The following INPP5A variants were observed in gnomAD, a reference collection of about 807,000 sequenced individuals.
INPP5A encodes the protein inositol polyphosphate-5-phosphatase A, also known as 43 kDa inositol polyphosphate 5-phophatase.
INPP5A carries 14 observed loss-of-function variants against 65.2 expected under a neutral mutation model. The ratio of observed to expected loss-of-function variants is 0.21; its 90% CI spans 0.14 to 0.34. The LOEUF is 0.34. INPP5A is among the 10% of genes least tolerant of loss of function. The pLI is 1.00. For missense variants in INPP5A, 431 were observed against 545.6 expected (o/e 0.79, Z 2.09); for synonymous variants, 207 against 208.3 (o/e 0.99, Z 0.05).
At chr10:132,770,736 G>GA (rs1846934009) in intron 12 of INPP5A, among the ~76,000 whole-genome samples, 1 of 152,172 alleles carries the variant, frequency 6.6e-6, no homozygotes, top group South Asian at 2.1e-4. Context: ...ACATTTTTGT[G>GA]AAAAAAGTAC....
chr10:132,724,814 G>C (rs1189853612), intron 8 of INPP5A, among the ~76,000 whole-genome samples: 1 of 149,182 alleles, frequency 6.7e-6, no homozygotes, highest in African/African-American at 2.5e-5. Flanking sequence ...GGGGGCCCCA[G>C]GCTAGCAGGA....
chr10:132,557,236 T>C (rs753083705), intron 1 of INPP5A, among the ~76,000 whole-genome samples: 4 of 152,260 alleles, frequency 2.6e-5, no homozygotes, highest in Non-Finnish European at 5.9e-5. Context: ...GAGTCCAGGC[T>C]GAGGCACCCT....
chr10:132,597,838 G>A (rs751008539), intron 1 of INPP5A, among the ~76,000 whole-genome samples: 9 of 143,962 alleles, frequency 6.3e-5, no homozygotes, highest in Admixed American at 2.1e-4. Flanking sequence ...TGCGTGTTCC[G>A]GGGCTGTGCT....
chr10:132,710,312 G>A (rs776506709), intron 7 of INPP5A, 25 bp from the exon 8 acceptor site: 13 of 1,612,022 alleles, frequency 8.1e-6, no homozygotes, highest in African/African-American at 8.0e-5. Flanking sequence ...CCTTGGTGAC[G>A]TGTCCTTTTC....
At chr10:132,692,946 TAAC>T (rs1845292018) in intron 5 of INPP5A, among the ~76,000 whole-genome samples, 1 of 152,230 alleles carries the variant, frequency 6.6e-6, no homozygotes, top group Non-Finnish European at 1.5e-5. Context: ...TTGCTCAACG[TAAC>T]AACAGCAACC....
rs2071555417 is a variant in INPP5A, at chr10:132,587,151, TAAA to T, written c.76-20760_76-20758del. On this transcript the variant is annotated intron_variant, in intron 1 of 15. Coordinates refer to ENST00000368594, the MANE Select transcript of INPP5A (RefSeq NM_005539.5). This position sits in a 1 kb window ranked among gnomAD's most constrained non-coding sequence, Gnocchi z 4.3. ...TTTTAAAAAATAATACAAACACATT[TAAA>T]AAACAAGAGAGCCAGTGTGAAAACA... 6.6e-6 allele frequency among the ~76,000 whole-genome samples: 1 copy of T among 152,154 alleles called. No homozygotes were observed. Among genetic ancestry groups the T allele is most frequent in the Non-Finnish European group, 1.5e-5 (1 of 68,022 alleles).
At chr10:132,620,330 T>C (rs6560703) in intron 2 of INPP5A, among the ~76,000 whole-genome samples, 151,510 of 152,344 alleles carry the variant, frequency 0.99, 75,349 homozygotes, top group Middle Eastern at 1. Flanking sequence ...TTCTTTGCTA[T>C]GTGGCCAGGC....
intron 12 of INPP5A, among the ~76,000 whole-genome samples, chr10:132,773,867 T>A (rs1846998867): frequency 6.6e-6 from 1 of 152,176 alleles, no homozygotes; most frequent in African/African-American, 2.4e-5. Flanking sequence ...CTCAAGCGAT[T>A]TTCCCCCCTC....
chr10:132,654,194 G>A (rs1370764809), intron 4 of INPP5A, among the ~76,000 whole-genome samples: 2 of 152,254 alleles, frequency 1.3e-5, no homozygotes, highest in Non-Finnish European at 1.5e-5. Flanking sequence ...TGGCCTGGCA[G>A]GAGCTCCCGT....
At chr10:132,621,784 C>CT (rs566285891) in intron 2 of INPP5A, among the ~76,000 whole-genome samples, 3,510 of 136,158 alleles carry the variant, frequency 0.026, 50 homozygotes, top group South Asian at 0.051. Flanking sequence ...GGGGGTATGT[C>CT]TTTTTTTTTT....
rs139146947 is a variant in INPP5A, at chr10:132,706,982, C to T, written c.475-1331C>T. On this transcript the variant is annotated intron_variant, in intron 6 of 15. Transcript: ENST00000368594. The surrounding 1 kb of genome is among the most constrained non-coding windows in gnomAD (Gnocchi z 4.7). ...TTGGGCAGCTGTTGTCTGGCACGTGCGCATACTGGAGGAGCCAAAGGGGAC... is the reference window on the plus strand; with the variant it reads ...TTGGGCAGCTGTTGTCTGGCACGTGTGCATACTGGAGGAGCCAAAGGGGAC... Among the ~76,000 whole-genome samples the T allele has an allele frequency of 3.8e-3, 577 of 152,250 alleles. 3 individuals are homozygous for T. Among genetic ancestry groups the T allele is most frequent in the African/African-American group, 0.013 (537 of 41,532 alleles).
intron 1 of INPP5A, among the ~76,000 whole-genome samples, chr10:132,599,691 G>A (rs951345085): frequency 2.6e-5 from 4 of 152,268 alleles, no homozygotes; most frequent in African/African-American, 9.6e-5. Flanking sequence ...CCCTAGCAGA[G>A]ATTCTCCATG....
chr10:132,776,419 C>T (rs902299485), intron 12 of INPP5A, among the ~76,000 whole-genome samples: 1 of 152,086 alleles, frequency 6.6e-6, no homozygotes, highest in African/African-American at 2.4e-5. Context: ...GGGCAGGGTC[C>T]GGGGGGCATG....
intron 6 of INPP5A, among the ~76,000 whole-genome samples, chr10:132,702,837 G>A (rs1386901131): frequency 6.6e-6 from 1 of 152,244 alleles, no homozygotes; most frequent in Non-Finnish European, 1.5e-5. Flanking sequence ...GATGTGGACA[G>A]CGCCTGCACC....
At chr10:132,560,323 A>T (rs1475593980) in intron 1 of INPP5A, among the ~76,000 whole-genome samples, 1 of 152,146 alleles carries the variant, frequency 6.6e-6, no homozygotes, top group Non-Finnish European at 1.5e-5. Flanking sequence ...GATAATTCTG[A>T]CTTTTTAAGG....
chr10:132,685,429 G>A (rs1264272995), intron 4 of INPP5A, among the ~76,000 whole-genome samples: 2 of 152,272 alleles, frequency 1.3e-5, no homozygotes, highest in Non-Finnish European at 2.9e-5. Context: ...CTCGAGCAGA[G>A]TGTGTGCTCA....
At chr10:132,770,325 G>A (rs895337279) in intron 12 of INPP5A, among the ~76,000 whole-genome samples, 1 of 152,262 alleles carries the variant, frequency 6.6e-6, no homozygotes, top group Non-Finnish European at 1.5e-5. Flanking sequence ...TCCTGTTGCA[G>A]CTTCCGGAAT....
chr10:132,777,084 C>T (rs1488126255), intron 12 of INPP5A, among the ~76,000 whole-genome samples: 2 of 152,196 alleles, frequency 1.3e-5, no homozygotes, highest in African/African-American at 4.8e-5. Flanking sequence ...TGGCCAGCCC[C>T]ATTCCCAGAC....
In INPP5A at chr10:132,671,431, C is replaced by T. The variant is rs549933124; in HGVS notation, c.307-18961C>T. Reference sequence around the variant, plus strand: ...CCCTCCCTGCTTCGGACTCCGCCCTCCCTGCTTCGGACTCGGCCCTCCCTG... The same window carrying T: ...CCCTCCCTGCTTCGGACTCCGCCCTTCCTGCTTCGGACTCGGCCCTCCCTG... On this transcript the variant is annotated intron_variant, in intron 4 of 15. Coordinates refer to ENST00000368594, the MANE Select transcript of INPP5A (RefSeq NM_005539.5). Among the ~76,000 whole-genome samples the T allele has an allele frequency of 2.0e-5, 3 of 149,656 alleles. No homozygotes were observed. The South Asian group carries it at 6.3e-4, about 31-fold the overall frequency.
Sources: allele counts gnomAD v4.1 joint callset (sites outside exome capture counted in the v4.1 genomes callset), GRCh38; gene constraint gnomAD v4.1.1; non-coding constraint Gnocchi (gnomAD v3.1); transcripts MANE v1.5; gene names NCBI Gene and HGNC (gene_info 2026-07-23, HGNC 2026-07-21).